The following FUS variants were observed in gnomAD, a reference collection of about 807,000 sequenced individuals.
FUS encodes FUS RNA binding protein, also known as RNA-binding protein FUS.
Under a neutral mutation model 82.7 loss-of-function variants are expected in FUS, and 5 were observed. That is an observed-to-expected ratio of 0.06 (90% CI 0.03 to 0.13). The LOEUF (loss-of-function observed/expected upper bound fraction) is 0.13, where lower values mean the gene tolerates loss of function less well. Ranked by LOEUF, FUS falls within the 10% of genes least tolerant of loss-of-function variation. The pLI, the probability that FUS is intolerant of heterozygous loss-of-function variation, is 1.00. For missense variants in FUS, 512 were observed against 707.8 expected, an observed-to-expected ratio of 0.72 and a Z score of 3.14; for synonymous variants, 281 against 247.4, an observed-to-expected ratio of 1.14 and a Z score of -1.27.
At chr16:31,184,183 T>G (rs756158219) in intron 4 of FUS, 26 bp from the exon 5 acceptor site, 5 of 1,614,050 alleles carry the variant, frequency 3.1e-6, no homozygotes, top group Non-Finnish European at 4.2e-6. Flanking sequence ...GGGATTGTGA[T>G]TGTGTTTTTT....
At position 31,185,117 on chromosome 16, in the gene FUS, C is replaced by G. The variant is rs149785330; in HGVS notation, c.702C>G (p.Arg234=). 3 of 1,609,424 alleles carry G rather than the reference C, an allele frequency of 1.9e-6. No homozygotes were observed. The highest frequency in any genetic ancestry group is 2.7e-5 in the African/African-American group (2 of 74,732). ...GCGGCGGCGGTGGTGGTTACAACCG[C>G]AGCAGTGGTGGCTATGAACCCAGAG... ...GGGGGGGGYN[R]SSGGYEPRGR... is the part of the protein sequence containing the mutation. The change falls in exon 6 of 15, where the codon CGC becomes CGG. Residue 234 remains arginine, a synonymous_variant. Coordinates refer to ENST00000254108, the MANE Select transcript of FUS (RefSeq NM_004960.4).
At chr16:31,188,102 G>A (rs1230387543) in intron 7 of FUS, 23 of 595,992 alleles carry the variant, frequency 3.9e-5, no homozygotes, top group Non-Finnish European at 5.6e-5. Flanking sequence ...TTGTCTCTGT[G>A]GAGACTCAAG....
intron 6 of FUS, chr16:31,186,240 C>A: frequency 4.0e-6 from 1 of 251,746 alleles, no homozygotes; most frequent in East Asian, 5.5e-5. Context: ...AAGGGGTGAC[C>A]CCGGGGGTTG....
At chr16:31,182,745 C>G in intron 3 of FUS, 81 bp downstream of exon 3, 1 of 1,575,078 alleles carries the variant, frequency 6.3e-7, no homozygotes, top group Admixed American at 1.7e-5. Flanking sequence ...GAGACGGAGT[C>G]TGGTCCTGTT....
At chr16:31,192,918 G>C, downstream of FUS, 1 of 485,330 alleles carries the variant, frequency 2.1e-6, no homozygotes, top group South Asian at 1.5e-5. Context: ...CTCTACTGAA[G>C]AGTTGCTGCA....
chr16:31,192,224 T>C (rs1452780592), downstream of FUS: 4 of 525,196 alleles, frequency 7.6e-6, no homozygotes, highest in Non-Finnish European at 1.5e-5. Flanking sequence ...ATTGACATTA[T>C]GAGATTTTAG....
chr16:31,192,825 G>C (rs2079378899), downstream of FUS: 2 of 482,446 alleles, frequency 4.1e-6, no homozygotes. Context: ...ACCTGCCTTG[G>C]CCTCCCAAAG....
rs376938943 is a variant in FUS at position 31,191,268 on chromosome 16, G to A, written c.1542-131G>A. The A allele has an allele frequency of 7.4e-6, 11 of 1,476,964 alleles. No homozygotes were observed. In the South Asian group the frequency reaches 8.0e-5, roughly 11 times the overall value. The allele number at this position is 1,476,964 out of a possible 1,614,324, so 91.5% of individuals were successfully genotyped here. A position where few individuals can be genotyped will look rare whatever the true frequency, so the allele number is the denominator to read the frequency against. On this transcript the variant is annotated intron_variant, in intron 14 of 14. Coordinates refer to ENST00000254108, the MANE Select transcript of FUS (RefSeq NM_004960.4). ...GGGAAGGAAAATTAACTCAGGGGGA[G>A]TGAATCTGTAGACCCACTTGAGATA...
chr16:31,189,892 C>G, intron 10 of FUS, 98 bp downstream of exon 10: 1 of 1,601,610 alleles, frequency 6.2e-7, no homozygotes, highest in Non-Finnish European at 8.5e-7. Flanking sequence ...AGTCTTCCAA[C>G]ACTTACTTTA....
Position 31,184,252 on chromosome 16 carries a change from A to G in FUS, c.379A>G (p.Ser127Gly). ...GAGCAGCAGCTATGGGCAGCCCCAG[A>G]GTGGGAGCTACAGCCAGCAGCCTAG... ...SQSSSYGQPQ[S>G]GSYSQQPSYG... Residue 127 changes from serine (S) to glycine (G), a missense_variant, in exon 5 of 15, where the codon AGT (serine) becomes GGT (glycine). Ser to Gly is a moderately conservative substitution (Grantham distance 56). Transcript: ENST00000254108. 4.3e-6 allele frequency: 7 copies of G among 1,614,084 alleles called. No individual in the cohort carries two copies. Among genetic ancestry groups the G allele is most frequent in the East Asian group, 2.2e-5 (1 of 44,882 alleles).
chr16:31,192,715 C>T (rs902838230), downstream of FUS: 8 of 481,404 alleles, frequency 1.7e-5, no homozygotes, highest in African/African-American at 9.8e-5. Context: ...AGACTACAGG[C>T]GTGGGCCACC....
chr16:31,193,664 A>C (rs1567482510), downstream of FUS: 2 of 531,748 alleles, frequency 3.8e-6, no homozygotes, highest in South Asian at 1.5e-5. Flanking sequence ...GGGTAGGTCC[A>C]GTTTGGGGGG....
intron 6 of FUS, chr16:31,185,905 G>C: frequency 4.0e-6 from 1 of 252,854 alleles, no homozygotes; most frequent in East Asian, 5.7e-5. Flanking sequence ...TGTTAAAACA[G>C]TTGTCAAATC....
At chr16:31,194,189 G>C (rs756512031), downstream of FUS, 1 of 530,558 alleles carries the variant, frequency 1.9e-6, no homozygotes, top group South Asian at 1.5e-5. Context: ...TATGTCAGTG[G>C]TGGGTAGATT....
At position 31,183,952 on chromosome 16, in the gene FUS, C is replaced by G. The variant is rs762095418; in HGVS notation, c.285C>G (p.Ser95=). The change falls in exon 4 of 15, where the codon TCC becomes TCG. Residue 95 remains serine, a synonymous_variant. Coordinates refer to ENST00000254108, the MANE Select transcript of FUS (RefSeq NM_004960.4). ...CCCAATCGTCTTACGGGCAGCAGTC[C>G]TCCTACCCTGGCTATGGCCAGCAGC... ...QSSQSSYGQQ[S]SYPGYGQQPA... 3.1e-6 allele frequency: 5 copies of G among 1,613,720 alleles called. No homozygotes were observed. The highest frequency in any genetic ancestry group is 4.2e-6 in the Non-Finnish European group (5 of 1,179,856).
downstream of FUS, chr16:31,192,378 T>A (rs1374988913): frequency 1.9e-6 from 1 of 524,160 alleles, no homozygotes; most frequent in East Asian, 4.1e-5. Flanking sequence ...AACTTGCACG[T>A]ACCTGCCAAC....
At chr16:31,194,758 A>G (rs1382532380), downstream of FUS, 2 of 483,058 alleles carry the variant, frequency 4.1e-6, no homozygotes, top group East Asian at 9.9e-5. Flanking sequence ...CTCTTAGAAA[A>G]TTTTGAAATT....
downstream of FUS, chr16:31,192,740 T>A (rs1323278196): frequency 2.1e-6 from 1 of 480,334 alleles, no homozygotes; most frequent in African/African-American, 2.0e-5. Context: ...CCACCTAGTT[T>A]TTGCATTTTT....
At chr16:31,185,445 T>TGG in intron 6 of FUS, 1 of 663,756 alleles carries the variant, frequency 1.5e-6, no homozygotes, top group Admixed American at 2.2e-5. Flanking sequence ...CATACATAGA[T>TGG]ACGTATGGAT....
Sources: allele counts gnomAD v4.1 joint callset, GRCh38; gene constraint gnomAD v4.1.1; transcripts MANE v1.5; gene names NCBI Gene and HGNC (gene_info 2026-07-23, HGNC 2026-07-21).